The following NREP variants were observed in gnomAD, a reference collection of about 807,000 sequenced individuals.
NREP encodes the protein neuronal regeneration related protein, also known as neuronal regeneration-related protein.
NREP carries 5 observed loss-of-function variants against 8.6 expected under a neutral mutation model. That is an observed-to-expected ratio of 0.58 (90% CI 0.30 to 1.22). NREP has a LOEUF of 1.22. NREP is among the 50% of genes most tolerant of loss of function. The probability of loss-of-function intolerance (pLI) is 0.07; values close to 1 mark genes in which losing one functional copy is unlikely to be tolerated. For synonymous variants in NREP, 27 were observed against 28.0 expected (o/e 0.96, Z 0.11); for missense variants, 86 against 82.5 (o/e 1.04, Z -0.17).
Position 111,881,009 on chromosome 5 carries a change from G to A in NREP, c.135+94265C>T, listed in dbSNP as rs140195564. ...GGGTGCAGCGCACCGTGCATGAGCC[G>A]AAGCAGGGCGAGGCATTGCCTCACT... is the stretch of plus-strand genomic sequence containing the variant. On this transcript the variant is annotated intron_variant, in intron 2 of 3. Transcript: ENST00000395634. Among the ~76,000 whole-genome samples the A allele has an allele frequency of 6.5e-3, 990 of 152,296 alleles. 16 individuals are homozygous for A. Among genetic ancestry groups the A allele is most frequent in the African/African-American group, 0.022 (935 of 41,570 alleles).
At chr5:111,801,203 T>C (rs962718362) in intron 2 of NREP, among the ~76,000 whole-genome samples, 2 of 152,252 alleles carry the variant, frequency 1.3e-5, no homozygotes, top group African/African-American at 2.4e-5. Flanking sequence ...TACAAATGTT[T>C]ACAGTAAATG....
chr5:111,919,468 C>T (rs1165080270), intron 2 of NREP, among the ~76,000 whole-genome samples: 3 of 152,112 alleles, frequency 2.0e-5, no homozygotes, highest in East Asian at 1.9e-4. Flanking sequence ...GACTTGGAAT[C>T]AACCCAAATG....
chr5:111,869,571 T>C (rs10073581), intron 2 of NREP, among the ~76,000 whole-genome samples: 66,271 of 152,018 alleles, frequency 0.44, 17,066 homozygotes, highest in Non-Finnish European at 0.59. Flanking sequence ...ATACAGGTGA[T>C]GCAGTATAAT....
At chr5:111,860,700 A>G (rs1031005997) in intron 2 of NREP, among the ~76,000 whole-genome samples, 6 of 152,330 alleles carry the variant, frequency 3.9e-5, no homozygotes, top group Middle Eastern at 3.4e-3. Flanking sequence ...CACCTGACAT[A>G]TAATAGACAC....
At chr5:111,914,481 G>A (rs1754995724) in intron 2 of NREP, among the ~76,000 whole-genome samples, 1 of 152,028 alleles carries the variant, frequency 6.6e-6, no homozygotes, top group Non-Finnish European at 1.5e-5. Context: ...GTTCTCCTCT[G>A]CCTTTGCCTC....
chr5:111,735,785 T>C (rs1749054815), intron 2 of NREP, among the ~76,000 whole-genome samples: 1 of 152,208 alleles, frequency 6.6e-6, no homozygotes, highest in Non-Finnish European at 1.5e-5. Flanking sequence ...AGCAGCTTCA[T>C]GGTATGTCTG....
intron 2 of NREP, among the ~76,000 whole-genome samples, chr5:111,962,748 A>C (rs560438489): frequency 6.6e-6 from 1 of 152,274 alleles, no homozygotes; most frequent in African/African-American, 2.4e-5. Flanking sequence ...CTCAGTCGGT[A>C]GAGAGAGAAA....
At chr5:111,904,651 A>G (rs1754733884) in intron 2 of NREP, among the ~76,000 whole-genome samples, 1 of 152,146 alleles carries the variant, frequency 6.6e-6, no homozygotes, top group South Asian at 2.1e-4. Flanking sequence ...CAGGAACTTC[A>G]TCATAAAATG....
chr5:111,806,895 C>T (rs1752156556), intron 2 of NREP, among the ~76,000 whole-genome samples: 1 of 151,984 alleles, frequency 6.6e-6, no homozygotes. Context: ...GCATTAGACT[C>T]CCAGAGATCA....
chr5:111,975,516 G>A, intron 1 of NREP: 1 of 631,108 alleles, frequency 1.6e-6, no homozygotes, highest in Non-Finnish European at 2.8e-6. Flanking sequence ...ACTGGCCAGG[G>A]TATAGGATCA....
intron 2 of NREP, among the ~76,000 whole-genome samples, chr5:111,780,996 C>G (rs1325788696): frequency 6.6e-6 from 1 of 151,910 alleles, no homozygotes; most frequent in Non-Finnish European, 1.5e-5. Flanking sequence ...TCATTTTTAA[C>G]AAACAACATC....
chr5:111,899,093 G>C (rs758264746), intron 2 of NREP, among the ~76,000 whole-genome samples: 1 of 152,188 alleles, frequency 6.6e-6, no homozygotes, highest in African/African-American at 2.4e-5. Flanking sequence ...GCTTAAGGCA[G>C]TGCTATATCT....
At chr5:111,737,358 T>TA (rs1364067076) in intron 2 of NREP, among the ~76,000 whole-genome samples, 3 of 152,196 alleles carry the variant, frequency 2.0e-5, no homozygotes, top group Non-Finnish European at 4.4e-5. Context: ...TATAAATGGA[T>TA]ATAAAGTGAT....
chr5:111,910,806 G>GT (rs1277098075), intron 2 of NREP, among the ~76,000 whole-genome samples: 2 of 152,158 alleles, frequency 1.3e-5, no homozygotes, highest in East Asian at 3.9e-4. Context: ...AGAAGCGAGA[G>GT]TTTGCTCAGC....
chr5:111,806,127 A>G (rs1448522240), intron 2 of NREP, among the ~76,000 whole-genome samples: 4 of 152,132 alleles, frequency 2.6e-5, no homozygotes, highest in Admixed American at 6.5e-5. Context: ...GAAATTTTTC[A>G]AAATAAAAAG....
intron 2 of NREP, among the ~76,000 whole-genome samples, chr5:111,913,106 A>G (rs1754958974): frequency 6.6e-6 from 1 of 152,132 alleles, no homozygotes; most frequent in Non-Finnish European, 1.5e-5. Flanking sequence ...CAGCACAACA[A>G]AAGTTGAAGG....
chr5:111,785,288 T>A (rs1288776191), intron 2 of NREP, among the ~76,000 whole-genome samples: 1 of 151,520 alleles, frequency 6.6e-6, no homozygotes, highest in Non-Finnish European at 1.5e-5. Flanking sequence ...ATGGCTATTC[T>A]TTTTTTTTGA....
At chr5:111,826,453 G>C (rs960774879) in intron 2 of NREP, among the ~76,000 whole-genome samples, 1 of 152,172 alleles carries the variant, frequency 6.6e-6, no homozygotes, top group Non-Finnish European at 1.5e-5. Context: ...CTGTAACACT[G>C]ACCATGAAGG....
At chr5:111,793,030 A>T (rs577882983) in intron 2 of NREP, among the ~76,000 whole-genome samples, 1 of 152,368 alleles carries the variant, frequency 6.6e-6, no homozygotes, top group South Asian at 2.1e-4. Context: ...GACATGTCGT[A>T]CTAATTAAAA....
Sources: gnomAD v4.1 joint callset for allele counts (sites outside exome capture counted in the v4.1 genomes callset) on GRCh38, gnomAD v4.1.1 for gene constraint, MANE v1.5 for transcripts, NCBI Gene and HGNC (gene_info 2026-07-23, HGNC 2026-07-21) for gene names.